Variants in LATS2 observed in about 807,000 individuals in gnomAD.
LATS2 encodes the protein large tumor suppressor kinase 2.
In LATS2, 24 loss-of-function variants were observed where a neutral mutation model predicts 76.0. The ratio of observed to expected loss-of-function variants is 0.32; its 90% CI spans 0.23 to 0.44. LATS2 has a LOEUF of 0.44. Among genes scored for constraint, LATS2 ranks in the 20% least tolerant of loss-of-function variants. The pLI, the probability that LATS2 is intolerant of heterozygous loss-of-function variation, is 1.00. For synonymous variants in LATS2, 692 were observed against 635.4 expected, an observed-to-expected ratio of 1.09 and a Z score of -1.34; for missense variants, 1,286 against 1,481.2, an observed-to-expected ratio of 0.87 and a Z score of 2.16.
intron 1 of LATS2, among the ~76,000 whole-genome samples, chr13:21,050,281 A>T (rs1204019329): frequency 6.6e-6 from 1 of 152,018 alleles, no homozygotes; most frequent in African/African-American, 2.4e-5. Context: ...CACAGATTGT[A>T]AGATTGACAA....
At position 20,997,288 on chromosome 13, in the gene LATS2, T is replaced by C. The variant is rs557415932; in HGVS notation, c.343-5884A>G. On this transcript the variant is annotated intron_variant, in intron 2 of 7. Coordinates refer to ENST00000382592, the MANE Select transcript of LATS2 (RefSeq NM_014572.3). ...CCTTAGGTATCTTTCCCAAGAGATTTCTCCTCTTACATTTTGTCAACAAAT... is the reference window on the plus strand; with the variant it reads ...CCTTAGGTATCTTTCCCAAGAGATTCCTCCTCTTACATTTTGTCAACAAAT... 4.6e-5 allele frequency among the ~76,000 whole-genome samples: 7 copies of C among 152,300 alleles called. No homozygotes were observed. In the East Asian group the frequency reaches 1.3e-3, roughly 29 times the overall value.
chr13:20,975,281 G>A lies in LATS2; in HGVS notation c.2856C>T (p.Cys952=). The A allele has an allele frequency of 6.2e-7, 1 of 1,613,684 alleles. No individual in the cohort carries two copies. Among genetic ancestry groups the A allele is most frequent in the East Asian group, 2.2e-5 (1 of 44,864 alleles). ...PEARDLITKL[C]CSADHRLGRN... ...GCCCCAGGCGGTGGTCTGCGGAGCAGCACAGCTTGGTGATGAGGTCCCTGG... is the reference window on the plus strand; with the variant it reads ...GCCCCAGGCGGTGGTCTGCGGAGCAACACAGCTTGGTGATGAGGTCCCTGG... The change falls in exon 8 of 8, where the codon TGC becomes TGT. Residue 952 remains cysteine (C), a synonymous_variant. Transcript: ENST00000382592.
At chr13:21,013,331 G>C (rs560140437) in intron 2 of LATS2, among the ~76,000 whole-genome samples, 1 of 152,330 alleles carries the variant, frequency 6.6e-6, no homozygotes, top group South Asian at 2.1e-4. Context: ...CTGGCTCGAT[G>C]CCTAATAATA....
intron 2 of LATS2, among the ~76,000 whole-genome samples, chr13:20,995,927 CACCT>C (rs1369778480): frequency 6.6e-6 from 1 of 152,164 alleles, no homozygotes; most frequent in East Asian, 1.9e-4. Context: ...TTGTGTCAGT[CACCT>C]AGCCACGTGC....
chr13:21,021,506 C>CAAAAAAAAAA (rs1419004467), intron 2 of LATS2, among the ~76,000 whole-genome samples: 2 of 81,944 alleles, frequency 2.4e-5, no homozygotes, highest in African/African-American at 8.9e-5. Flanking sequence ...AAAAAAAAAG[C>CAAAAAAAAAA]TTTGTAAAAG....
In LATS2 at chr13:20,979,735, G is replaced by A; in HGVS notation, c.2728C>T (p.Gln910Ter). The change falls in exon 7 of 8, where the codon CAG becomes TAG. Residue 910 changes from glutamine (Q) to a stop codon, truncating the protein, a stop_gained. Coordinates refer to ENST00000382592, the MANE Select transcript of LATS2 (RefSeq NM_014572.3). LOFTEE classifies it low-confidence loss of function (END_TRUNC). ...GVILFEMLVG[Q>*]PPFLAPTPTE... ...GGAGTAGGTGCCAAAAAGGGCGGCTGCCCCACCAGCATCTCGAAGAGAATC... is the reference window on the plus strand; with the variant it reads ...GGAGTAGGTGCCAAAAAGGGCGGCTACCCCACCAGCATCTCGAAGAGAATC... 1 of 1,612,858 alleles carries A rather than the reference G, an allele frequency of 6.2e-7. No homozygotes were observed. The highest frequency in any genetic ancestry group is 8.5e-7 in the Non-Finnish European group (1 of 1,179,174).
intron 1 of LATS2, among the ~76,000 whole-genome samples, chr13:21,056,654 T>C (rs528311814): frequency 6.6e-6 from 1 of 152,300 alleles, no homozygotes; most frequent in East Asian, 1.9e-4. Flanking sequence ...CCTCCAAGTT[T>C]TGGATACGCT....
At position 20,973,215 on chromosome 13, in the gene LATS2, C is replaced by T. The variant is rs908014682; in HGVS notation, c.*1655G>A. Reference sequence around the variant, plus strand: ...AAAATAGCGAGAATACTGACAGTCACGACGACAGGCACAGCAGACTTGAGT... The same window carrying T: ...AAAATAGCGAGAATACTGACAGTCATGACGACAGGCACAGCAGACTTGAGT... On this transcript the variant is annotated 3_prime_UTR_variant, in exon 8 of 8. Coordinates refer to ENST00000382592, the MANE Select transcript of LATS2 (RefSeq NM_014572.3). 2.2e-5 allele frequency: 5 copies of T among 232,262 alleles called. No individual in the cohort carries two copies. Among genetic ancestry groups the T allele is most frequent in the East Asian group, 6.1e-5 (1 of 16,370 alleles). 14.4% of individuals were successfully genotyped at this position (232,262 alleles called of 1,614,324 possible).
chr13:21,006,286 G>A (rs1871266327), intron 2 of LATS2, among the ~76,000 whole-genome samples: 1 of 151,786 alleles, frequency 6.6e-6, no homozygotes, highest in Non-Finnish European at 1.5e-5. Context: ...TTAGTGAGCA[G>A]AGAAAGAAGA....
chr13:21,045,331 C>T (rs12430498), intron 2 of LATS2, among the ~76,000 whole-genome samples: 9,940 of 152,126 alleles, frequency 0.065, 410 homozygotes, highest in Non-Finnish European at 0.091. Context: ...TCTCTTTCCA[C>T]GATAGCTCAG....
chr13:20,989,039 C>T lies in LATS2; in HGVS notation c.741G>A (p.Pro247=), dbSNP rs112123155. ...ASVEAAGAHF[P]LQGAHYGRPH... is the part of the protein sequence containing the mutation. ...GCCGCCCGTAGTGCGCGCCCTGCAGCGGGAAGTGTGCCCCTGCTGCCTCTA... is the reference window on the plus strand; with the variant it reads ...GCCGCCCGTAGTGCGCGCCCTGCAGTGGGAAGTGTGCCCCTGCTGCCTCTA... Residue 247 remains proline (P), a synonymous_variant, in exon 4 of 8, where the codon CCG becomes CCA. Transcript: ENST00000382592. 69 of 1,567,986 alleles carry T rather than the reference C, an allele frequency of 4.4e-5. No homozygotes were observed. The highest frequency in any genetic ancestry group is 4.0e-4 in the African/African-American group (30 of 74,190).
At chr13:21,025,933 T>C (rs1013974019) in intron 2 of LATS2, among the ~76,000 whole-genome samples, 3 of 152,174 alleles carry the variant, frequency 2.0e-5, no homozygotes, top group African/African-American at 7.2e-5. Flanking sequence ...TTATAAGGTT[T>C]GTTTAAAGTA....
chr13:21,029,840 T>C (rs766176215), intron 2 of LATS2, among the ~76,000 whole-genome samples: 4 of 152,090 alleles, frequency 2.6e-5, no homozygotes, highest in Non-Finnish European at 4.4e-5. Flanking sequence ...CTCACGCCTG[T>C]AATCCCAGCA....
chr13:21,056,079 A>G (rs2138419142), intron 1 of LATS2, among the ~76,000 whole-genome samples: 1 of 152,354 alleles, frequency 6.6e-6, no homozygotes, highest in African/African-American at 2.4e-5. Context: ...TGGCATTGCC[A>G]TATGTGTACT....
At position 20,975,320 on chromosome 13, in the gene LATS2, C is replaced by G. The variant is rs1428449855; in HGVS notation, c.2817G>C (p.Lys939Asn). Reference protein sequence around the residue: ...ENTLHIPAQVKLSPEARDLIT... With the variant: ...ENTLHIPAQVNLSPEARDLIT... Reference sequence around the variant, plus strand: ...TGAGGTCCCTGGCCTCAGGGCTCAGCTTCACCTGGGCTGGAATGTGGAGCG... The same window carrying G: ...TGAGGTCCCTGGCCTCAGGGCTCAGGTTCACCTGGGCTGGAATGTGGAGCG... The change falls in exon 8 of 8, where the codon AAG (lysine) becomes AAC (asparagine). Residue 939 changes from lysine to asparagine, a missense_variant. By Grantham distance (94) the Lys-to-Asn change is moderately conservative. Transcript: ENST00000382592. The G allele has an allele frequency of 1.2e-6, 2 of 1,600,840 alleles. No individual in the cohort carries two copies. Among genetic ancestry groups the G allele is most frequent in the Middle Eastern group, 1.7e-4 (1 of 5,960 alleles).
intron 2 of LATS2, among the ~76,000 whole-genome samples, chr13:21,041,186 A>G (rs948338793): frequency 6.6e-6 from 1 of 151,996 alleles, no homozygotes; most frequent in African/African-American, 2.4e-5. Flanking sequence ...GTTAGCCAGG[A>G]TGGTCTCGAC....
rs1285510072 is a variant in LATS2, at chr13:21,041,345, C to T, written c.342+4340G>A. 2.0e-5 allele frequency among the ~76,000 whole-genome samples: 3 copies of T among 152,172 alleles called. No homozygotes were observed. In the East Asian group the frequency reaches 5.8e-4, roughly 29 times the overall value. ...GGTGTGGACACTGTTCTCAGGAAGG[C>T]TGCCTCTCAGTGCACATCCTGACCA... On this transcript the variant is annotated intron_variant, in intron 2 of 7. Coordinates refer to ENST00000382592, the MANE Select transcript of LATS2 (RefSeq NM_014572.3).
chr13:20,986,125 A>G (rs1344939478), intron 4 of LATS2, among the ~76,000 whole-genome samples: 5 of 152,226 alleles, frequency 3.3e-5, no homozygotes, highest in Admixed American at 2.0e-4. Flanking sequence ...GGTGCATGGA[A>G]AGATGCTCAT....
At chr13:20,987,800 A>G in intron 4 of LATS2, 81 bp downstream of exon 4, 1 of 1,502,112 alleles carries the variant, frequency 6.7e-7, no homozygotes, top group East Asian at 2.3e-5. Context: ...CAGTCGAAAC[A>G]GAAAAGGGAT....
Sources: allele counts gnomAD v4.1 joint callset (sites outside exome capture counted in the v4.1 genomes callset), GRCh38; gene constraint gnomAD v4.1.1; transcripts MANE v1.5; gene names NCBI Gene and HGNC (gene_info 2026-07-23, HGNC 2026-07-21).